TPTE: variants seen among roughly 807,000 people sequenced by gnomAD.
TPTE encodes the protein putative tyrosine-protein phosphatase TPTE.
In TPTE, 59 loss-of-function variants were observed where a neutral mutation model predicts 84.1. The observed-to-expected ratio is 0.70, with a 90% confidence interval of 0.57 to 0.87. TPTE has a LOEUF of 0.87. Ranked by LOEUF, TPTE falls within the 40% of genes least tolerant of loss-of-function variation. The pLI is 0.00. For synonymous variants in TPTE, 130 were observed against 223.5 expected (o/e 0.58, Z 3.73); for missense variants, 382 against 659.6 (o/e 0.58, Z 4.61).
At chr21:10,585,104 A>G (rs2075339127) in intron 17 of TPTE, among the ~76,000 whole-genome samples, 1 of 152,312 alleles carries the variant, frequency 6.6e-6, no homozygotes, top group African/African-American at 2.4e-5. Flanking sequence ...GCGGTGGCAC[A>G]TGCCTGTAAT....
chr21:10,598,835 C>A (rs1006668921), intron 21 of TPTE, among the ~76,000 whole-genome samples: 1 of 152,308 alleles, frequency 6.6e-6, no homozygotes, highest in South Asian at 2.1e-4. Context: ...TCTCCTATTA[C>A]TAACCCTATT....
intron 2 of TPTE, among the ~76,000 whole-genome samples, chr21:10,526,250 C>T (rs1195115444): frequency 2.6e-5 from 4 of 152,430 alleles, no homozygotes; most frequent in Middle Eastern, 6.8e-3. Flanking sequence ...CCTCATGGCC[C>T]TCAGACCAGG....
chr21:10,547,314 A>G (rs535559469), intron 7 of TPTE, among the ~76,000 whole-genome samples: 80 of 152,378 alleles, frequency 5.3e-4, no homozygotes, highest in African/African-American at 1.9e-3. Context: ...GTGGAGACAC[A>G]TCTGTGGTGA....
chr21:10,522,375 G>C (rs1432797473), intron 1 of TPTE, among the ~76,000 whole-genome samples: 1 of 152,212 alleles, frequency 6.6e-6, no homozygotes, highest in Non-Finnish European at 1.5e-5. Context: ...GGGGGTGGGC[G>C]GTGGGGTGCT....
chr21:10,595,547 A>G (rs1209221620), intron 19 of TPTE, among the ~76,000 whole-genome samples: 18 of 152,298 alleles, frequency 1.2e-4, no homozygotes, highest in Non-Finnish European at 1.9e-4. Context: ...GGGATGGGAA[A>G]CCTGCTACTG....
At chr21:10,549,129 G>A (rs2074525676) in intron 7 of TPTE, among the ~76,000 whole-genome samples, 1 of 152,308 alleles carries the variant, frequency 6.6e-6, no homozygotes, top group Non-Finnish European at 1.5e-5. Context: ...GATCACAGCT[G>A]AATAAACTAC....
At chr21:10,558,735 C>T (rs1372070773) in intron 8 of TPTE, among the ~76,000 whole-genome samples, 1 of 152,212 alleles carries the variant, frequency 6.6e-6, no homozygotes, top group East Asian at 1.9e-4. Flanking sequence ...CTGAAGTCTT[C>T]TTCTACTGAA....
At chr21:10,526,861 CAG>C (rs2074088087) in intron 2 of TPTE, among the ~76,000 whole-genome samples, 1 of 152,308 alleles carries the variant, frequency 6.6e-6, no homozygotes, top group African/African-American at 2.4e-5. Flanking sequence ...AATGAAGTAG[CAG>C]AGAGATTAAA....
At chr21:10,594,618 C>T (rs58729659) in intron 19 of TPTE, among the ~76,000 whole-genome samples, 1,626 of 149,392 alleles carry the variant, frequency 0.011, no homozygotes, top group African/African-American at 0.04. Context: ...CAGAAGCTAA[C>T]GGGATGCTAG....
At chr21:10,535,773 T>C (rs1402726794) in intron 3 of TPTE, among the ~76,000 whole-genome samples, 2 of 152,304 alleles carry the variant, frequency 1.3e-5, no homozygotes, top group Non-Finnish European at 2.9e-5. Context: ...TCTAGCGTTC[T>C]ACCACCATGT....
intron 21 of TPTE, 35 bp downstream of exon 21, chr21:10,598,129 G>C: frequency 6.2e-7 from 1 of 1,611,574 alleles, no homozygotes; most frequent in East Asian, 2.2e-5. Context: ...AAAATCTGAT[G>C]TTTGTTTTAA....
chr21:10,564,598 C>T (rs562898130), intron 10 of TPTE, among the ~76,000 whole-genome samples: 38 of 152,414 alleles, frequency 2.5e-4, no homozygotes, highest in African/African-American at 4.1e-4. Context: ...TGCAAAAATC[C>T]TCAACAAGAT....
intron 7 of TPTE, among the ~76,000 whole-genome samples, chr21:10,550,177 C>T (rs1291586406): frequency 6.6e-6 from 1 of 152,304 alleles, no homozygotes; most frequent in Non-Finnish European, 1.5e-5. Flanking sequence ...AGTCTTACAT[C>T]TGGAAGTAAA....
intron 21 of TPTE, among the ~76,000 whole-genome samples, chr21:10,599,256 TCTC>T (rs2075645960): frequency 2.0e-5 from 3 of 152,312 alleles, no homozygotes; most frequent in Non-Finnish European, 4.4e-5. Context: ...TTTTCTATGT[TCTC>T]CTTCCTTTCT....
intron 14 of TPTE, chr21:10,576,549 T>C (rs1410340089): frequency 6.5e-6 from 1 of 153,038 alleles, no homozygotes; most frequent in Admixed American, 6.5e-5. Flanking sequence ...TTCATCTTTT[T>C]GACTTATTAT....
chr21:10,558,678 G>T (rs968866269), intron 8 of TPTE, among the ~76,000 whole-genome samples: 2 of 152,304 alleles, frequency 1.3e-5, no homozygotes, highest in African/African-American at 4.8e-5. Context: ...GGCTCTTGGG[G>T]TGGAATTTGA....
intron 22 of TPTE, among the ~76,000 whole-genome samples, chr21:10,603,292 C>A (rs1295518414): frequency 6.6e-6 from 1 of 152,310 alleles, no homozygotes; most frequent in Non-Finnish European, 1.5e-5. Context: ...AAACCAGATT[C>A]AAATAGCAGC....
chr21:10,596,598 T>C (rs1477411733), intron 20 of TPTE, among the ~76,000 whole-genome samples: 2 of 152,306 alleles, frequency 1.3e-5, no homozygotes, highest in Non-Finnish European at 2.9e-5. Flanking sequence ...ACTCCCAGCT[T>C]ACACTCAGGG....
At chr21:10,593,412 A>G (rs1178651764) in intron 19 of TPTE, among the ~76,000 whole-genome samples, 1 of 152,302 alleles carries the variant, frequency 6.6e-6, no homozygotes, top group Non-Finnish European at 1.5e-5. Flanking sequence ...GAATTCAAAC[A>G]AAGTCCACAC....
Sources: allele counts gnomAD v4.1 joint callset (sites outside exome capture counted in the v4.1 genomes callset), GRCh38; gene constraint gnomAD v4.1.1; transcripts MANE v1.5; gene names NCBI Gene and HGNC (gene_info 2026-07-23, HGNC 2026-07-21).